The following CAMK4 variants were observed in gnomAD, a reference collection of about 807,000 sequenced individuals.
The protein encoded by CAMK4 is calcium/calmodulin dependent protein kinase IV, also known as calcium/calmodulin-dependent protein kinase type IV.
CAMK4 carries 22 observed loss-of-function variants against 44.9 expected under a neutral mutation model. That is an observed-to-expected ratio of 0.49 (90% CI 0.35 to 0.70). The LOEUF (loss-of-function observed/expected upper bound fraction) is 0.70. CAMK4 is among the 30% of genes least tolerant of loss of function. The pLI, the probability that CAMK4 is intolerant of heterozygous loss-of-function variation, is 0.01. For missense variants in CAMK4, 498 were observed against 586.8 expected (o/e 0.85, Z 1.56); for synonymous variants, 218 against 215.4 (o/e 1.01, Z -0.11).
chr5:111,467,778 A>C (rs966320663), intron 7 of CAMK4, among the ~76,000 whole-genome samples: 2 of 152,186 alleles, frequency 1.3e-5, no homozygotes, highest in Non-Finnish European at 2.9e-5. Flanking sequence ...TACAACCACT[A>C]TGGAAAACAG....
At chr5:111,408,162 T>A (rs1752505515) in intron 5 of CAMK4, among the ~76,000 whole-genome samples, 1 of 152,270 alleles carries the variant, frequency 6.6e-6, no homozygotes, top group South Asian at 2.1e-4. Context: ...GAAATATCAA[T>A]GTCTCATGAC....
At chr5:111,480,994 G>C (rs1164583405) in intron 9 of CAMK4, among the ~76,000 whole-genome samples, 1 of 152,188 alleles carries the variant, frequency 6.6e-6, no homozygotes, top group South Asian at 2.1e-4. Context: ...CATCGGCAGA[G>C]ACTAAGTGCT....
intron 7 of CAMK4, among the ~76,000 whole-genome samples, chr5:111,471,066 T>C (rs1580797915): frequency 6.6e-6 from 1 of 152,246 alleles, no homozygotes; most frequent in African/African-American, 2.4e-5. Flanking sequence ...TTCAGAATTA[T>C]ACTGTTGAAG....
chr5:111,380,373 G>A (rs900421594), intron 4 of CAMK4, among the ~76,000 whole-genome samples: 1 of 151,182 alleles, frequency 6.6e-6, no homozygotes, highest in African/African-American at 2.4e-5. Flanking sequence ...TAACTTTTAA[G>A]TTCAGGGGTA....
chr5:111,256,373 G>A (rs1464594770), intron 1 of CAMK4, among the ~76,000 whole-genome samples: 2 of 152,044 alleles, frequency 1.3e-5, no homozygotes, highest in Non-Finnish European at 2.9e-5. Context: ...GGTTGTGTTG[G>A]TGGTCAGATT....
chr5:111,458,586 C>A (rs1754503856), intron 7 of CAMK4, among the ~76,000 whole-genome samples: 3 of 148,834 alleles, frequency 2.0e-5, no homozygotes, highest in African/African-American at 7.4e-5. Context: ...GTGGGAGAAA[C>A]AACAATACAC....
intron 1 of CAMK4, among the ~76,000 whole-genome samples, chr5:111,256,491 A>G (rs1749752465): frequency 6.6e-6 from 1 of 152,172 alleles, no homozygotes; most frequent in South Asian, 2.1e-4. Flanking sequence ...CTTTGGGGGA[A>G]CTGAGTGAAG....
Position 111,335,240 on chromosome 5 carries a change from T to C in CAMK4, c.162-8784T>C, listed in dbSNP as rs114349984. Among the ~76,000 whole-genome samples the C allele has an allele frequency of 5.5e-3, 831 of 151,624 alleles. 8 individuals carry two copies. Among genetic ancestry groups the C allele is most frequent in the African/African-American group, 0.019 (806 of 41,472 alleles). The stretch of plus-strand genomic sequence containing the variant: ...CTCTCCTAGAAGAGACAATTTCTGA[T>C]TTATAACCTCCCTTAATAGGAGAAT... On this transcript the variant is annotated intron_variant, in intron 1 of 10. Coordinates refer to ENST00000282356, the MANE Select transcript of CAMK4 (RefSeq NM_001744.6).
At chr5:111,310,494 G>T (rs529810430) in intron 1 of CAMK4, among the ~76,000 whole-genome samples, 1 of 152,156 alleles carries the variant, frequency 6.6e-6, no homozygotes, top group Non-Finnish European at 1.5e-5. Flanking sequence ...ATTGGCAATA[G>T]GGGGTAATTG....
intron 5 of CAMK4, among the ~76,000 whole-genome samples, chr5:111,411,994 C>A (rs1449998839): frequency 1.3e-5 from 2 of 152,052 alleles, no homozygotes; most frequent in African/African-American, 4.8e-5. Flanking sequence ...AGTTATTAAT[C>A]ACCAGCTTGA....
At chr5:111,400,313 C>A (rs1752177368) in intron 5 of CAMK4, among the ~76,000 whole-genome samples, 1 of 152,156 alleles carries the variant, frequency 6.6e-6, no homozygotes, top group African/African-American at 2.4e-5. Context: ...TTAAAACTTG[C>A]CAGAAATGGC....
At chr5:111,356,550 T>C (rs1750364949) in intron 2 of CAMK4, among the ~76,000 whole-genome samples, 1 of 152,252 alleles carries the variant, frequency 6.6e-6, no homozygotes, top group African/African-American at 2.4e-5. Flanking sequence ...ACCATTGCTT[T>C]TGGTGTTTTA....
At chr5:111,332,089 T>C (rs1464317645) in intron 1 of CAMK4, among the ~76,000 whole-genome samples, 2 of 151,728 alleles carry the variant, frequency 1.3e-5, no homozygotes, top group Admixed American at 1.3e-4. Context: ...TCTTTTTTAT[T>C]ATTATTATAC....
chr5:111,453,103 A>G (rs1335027193), intron 7 of CAMK4, among the ~76,000 whole-genome samples: 2 of 152,324 alleles, frequency 1.3e-5, no homozygotes, highest in Non-Finnish European at 2.9e-5. Flanking sequence ...AAGTAAATAC[A>G]TATGTGTTCA....
chr5:111,411,837 A>C (rs2112896349), intron 5 of CAMK4, among the ~76,000 whole-genome samples: 1 of 152,350 alleles, frequency 6.6e-6, no homozygotes, highest in South Asian at 2.1e-4. Context: ...AAAAACAGGA[A>C]GAAATTTGTC....
At chr5:111,305,770 C>A (rs879651198) in intron 1 of CAMK4, among the ~76,000 whole-genome samples, 1 of 143,670 alleles carries the variant, frequency 7.0e-6, no homozygotes, top group African/African-American at 2.6e-5. Flanking sequence ...ATCCTGATAC[C>A]AAAGCCGGGC....
chr5:111,292,960 A>AT (rs1747336170), intron 1 of CAMK4, among the ~76,000 whole-genome samples: 1 of 152,128 alleles, frequency 6.6e-6, no homozygotes, highest in African/African-American at 2.4e-5. Context: ...TTTAAAATGA[A>AT]TTTTTGCAGA....
At chr5:111,418,787 G>A (rs1752910287) in intron 5 of CAMK4, among the ~76,000 whole-genome samples, 1 of 152,008 alleles carries the variant, frequency 6.6e-6, no homozygotes, top group South Asian at 2.1e-4. Context: ...ATTTTTTATG[G>A]CTGCATAGTA....
intron 2 of CAMK4, among the ~76,000 whole-genome samples, chr5:111,363,914 T>C (rs1043756406): frequency 3.9e-5 from 6 of 152,108 alleles, no homozygotes; most frequent in Non-Finnish European, 7.4e-5. Flanking sequence ...TTTAAAGATA[T>C]CATTCTGGAT....
Sources: gnomAD v4.1 joint callset for allele counts (sites outside exome capture counted in the v4.1 genomes callset) on GRCh38, gnomAD v4.1.1 for gene constraint, MANE v1.5 for transcripts, NCBI Gene and HGNC (gene_info 2026-07-23, HGNC 2026-07-21) for gene names.